Variants in NTN1 observed in about 807,000 individuals in gnomAD.
NTN1 encodes the protein netrin 1, also known as netrin-1.
Under a neutral mutation model 54.2 loss-of-function variants are expected in NTN1, and 11 were observed. That is an observed-to-expected ratio of 0.20 (90% CI 0.13 to 0.34). The LOEUF (loss-of-function observed/expected upper bound fraction) is 0.34, where lower values mean the gene tolerates loss of function less well. NTN1 is among the 10% of genes least tolerant of loss of function. NTN1 has a pLI of 1.00. For synonymous variants in NTN1, 371 were observed against 382.0 expected (o/e 0.97, Z 0.33); for missense variants, 740 against 893.1 (o/e 0.83, Z 2.18).
chr17:9,179,632 G>A (rs2092412123), intron 3 of NTN1, among the ~76,000 whole-genome samples, 175 bp from the exon 4 acceptor site: 1 of 152,176 alleles, frequency 6.6e-6, no homozygotes, highest in South Asian at 2.1e-4. Flanking sequence ...CCAGGTAGGT[G>A]GGTGGCCAGT....
chr17:9,100,347 G>T (rs907264088), intron 2 of NTN1, among the ~76,000 whole-genome samples: 3 of 152,096 alleles, frequency 2.0e-5, no homozygotes, highest in African/African-American at 7.2e-5. Flanking sequence ...GCCCAGGCTG[G>T]AGTGCAGTGG....
intron 6 of NTN1, among the ~76,000 whole-genome samples, chr17:9,228,348 C>CGG (rs994110717): frequency 6.6e-6 from 1 of 152,150 alleles, no homozygotes; most frequent in African/African-American, 2.4e-5. Context: ...AGAGTAAGAG[C>CGG]GGGGGCGTTC....
the NTN1 span, among the ~76,000 whole-genome samples, chr17:9,010,635 C>A: frequency 6.6e-6 from 1 of 152,192 alleles, no homozygotes; most frequent in Non-Finnish European, 1.5e-5. Flanking sequence ...TAGTTTCCTG[C>A]GGCTGCTGTA....
chr17:9,104,350 G>A (rs766742005), intron 2 of NTN1, among the ~76,000 whole-genome samples: 2 of 152,178 alleles, frequency 1.3e-5, no homozygotes, highest in Non-Finnish European at 2.9e-5. Context: ...AATGGTTAAG[G>A]TGGTAAATTT....
intron 2 of NTN1, 70 bp downstream of exon 2, chr17:9,023,461 G>C: frequency 7.5e-7 from 1 of 1,331,482 alleles, no homozygotes; most frequent in East Asian, 3.1e-5. Flanking sequence ...GCCTCGCAGC[G>C]GCGAGTTCAT....
chr17:9,082,267 G>C (rs190927234), intron 2 of NTN1, among the ~76,000 whole-genome samples: 2 of 152,130 alleles, frequency 1.3e-5, no homozygotes, highest in Non-Finnish European at 2.9e-5. Flanking sequence ...TGCCACGTTG[G>C]CTAGGCTGGT....
chr17:9,180,878 A>G (rs917734309), intron 4 of NTN1, among the ~76,000 whole-genome samples: 6 of 152,120 alleles, frequency 3.9e-5, no homozygotes, highest in East Asian at 3.9e-4. Flanking sequence ...ACAACCTCCA[A>G]TTGTCAGCCT....
At chr17:9,222,613 GGAA>G (rs1157126170) in intron 6 of NTN1, among the ~76,000 whole-genome samples, 3 of 152,168 alleles carry the variant, frequency 2.0e-5, no homozygotes, top group Admixed American at 2.0e-4. Context: ...AAACGGCGGT[GGAA>G]GAAGAGGGGT....
chr17:9,025,719 A>T (rs1445280908), intron 2 of NTN1, among the ~76,000 whole-genome samples: 1 of 152,220 alleles, frequency 6.6e-6, no homozygotes, highest in South Asian at 2.1e-4. Context: ...TCATTCTGTA[A>T]AAGAGAAAGA....
In NTN1 at chr17:9,162,878, C is replaced by T. The variant is rs749586755; in HGVS notation, c.1084C>T (p.Arg362Cys). The T allele has an allele frequency of 3.7e-6, 6 of 1,614,096 alleles. No homozygotes were observed. The highest frequency in any genetic ancestry group is 1.1e-5 in the South Asian group (1 of 91,086). ...FNMELYKLSG[R>C]KSGGVCLNCR... The stretch of plus-strand genomic sequence containing the variant: ...CATGGAGCTCTACAAGCTTTCGGGG[C>T]GCAAGAGCGGAGGTGTCTGCCTCAA... The change falls in exon 3 of 7, where the codon CGC becomes TGC. Residue 362 changes from arginine to cysteine, a missense_variant. Transcript: ENST00000173229.
chr17:9,227,593 TAC>T lies in NTN1; in HGVS notation c.1486+6358_1486+6359del, dbSNP rs576639850. On this transcript the variant is annotated intron_variant, in intron 6 of 6. Transcript: ENST00000173229. ...CACACACACATCACACACGCATGCATACACACACCATCACACATCAGATACAC... is the reference window on the plus strand; with the variant it reads ...CACACACACATCACACACGCATGCATACACACCATCACACATCAGATACAC... Among the ~76,000 whole-genome samples the T allele has an allele frequency of 1.2e-3, 111 of 94,178 alleles. No homozygotes were observed. In the South Asian group the frequency reaches 0.022, roughly 18 times the overall value. 61.8% of individuals were successfully genotyped at this position (94,178 alleles called of 152,430 possible). A position where few individuals can be genotyped will look rare whatever the true frequency, so the allele number is the denominator to read the frequency against.
chr17:9,113,559 G>A lies in NTN1; in HGVS notation c.1019-49254G>A, dbSNP rs148901253. 2.0e-3 allele frequency among the ~76,000 whole-genome samples: 299 copies of A among 152,174 alleles called. 2 individuals carry two copies. The highest frequency in any genetic ancestry group is 4.5e-3 in the African/African-American group (188 of 41,538). On this transcript the variant is annotated intron_variant, in intron 2 of 6. Transcript: ENST00000173229. ...TGAAAATGATTATACAGCAAGCTCC[G>A]GGAGAACATGTCAGGAGATTGGCAC...
chr17:9,157,971 A>G (rs1210543518), intron 2 of NTN1, among the ~76,000 whole-genome samples: 1 of 152,240 alleles, frequency 6.6e-6, no homozygotes, highest in Non-Finnish European at 1.5e-5. Flanking sequence ...GGCTAGGGAC[A>G]GGCCGGGAGT....
At chr17:9,190,256 CAG>C (rs1904416724) in intron 5 of NTN1, among the ~76,000 whole-genome samples, 1 of 152,056 alleles carries the variant, frequency 6.6e-6, no homozygotes, top group Admixed American at 6.5e-5. Context: ...ACATGAAGAA[CAG>C]AAGAAAAGGA....
intron 1 of NTN1, among the ~76,000 whole-genome samples, chr17:9,022,082 G>A (rs1467836473): frequency 6.6e-6 from 1 of 151,966 alleles, no homozygotes; most frequent in Non-Finnish European, 1.5e-5. Context: ...GGCGGTGGCG[G>A]GGAAGCAGAG....
chr17:9,176,597 A>G (rs1162572606), intron 3 of NTN1: 5 of 152,208 alleles, frequency 3.3e-5, no homozygotes, highest in African/African-American at 1.2e-4. Flanking sequence ...TGCACAGGGT[A>G]TAATGGGGGC....
chr17:9,157,999 T>TGGA (rs1405164185), intron 2 of NTN1, among the ~76,000 whole-genome samples: 11 of 152,354 alleles, frequency 7.2e-5, no homozygotes, highest in African/African-American at 2.6e-4. Context: ...CGCCTCTGTG[T>TGGA]GGAGCCGAGG....
chr17:9,064,200 A>C (rs1217328922), intron 2 of NTN1, among the ~76,000 whole-genome samples: 1 of 152,152 alleles, frequency 6.6e-6, no homozygotes, highest in African/African-American at 2.4e-5. Context: ...CCATTCATTC[A>C]TCGGTCCATG....
In NTN1 at chr17:9,135,843, T is replaced by C. The variant is rs917161540; in HGVS notation, c.1019-26970T>C. 3.3e-5 allele frequency among the ~76,000 whole-genome samples: 5 copies of C among 152,182 alleles called. No individual in the cohort carries two copies. The highest frequency in any genetic ancestry group is 2.0e-4 in the Admixed American group (3 of 15,280). ...CAGGGTTCTAGCCCTGAGTCCACCA[T>C]TCACTCCCTGAGCTCCTCTTCACAC... On this transcript the variant is annotated intron_variant, in intron 2 of 6. Coordinates refer to ENST00000173229, the MANE Select transcript of NTN1 (RefSeq NM_004822.3). The surrounding 1 kb of genome is among the most constrained non-coding windows in gnomAD (Gnocchi z 4.4).
Sources: allele counts gnomAD v4.1 joint callset (sites outside exome capture counted in the v4.1 genomes callset), GRCh38; gene constraint gnomAD v4.1.1; non-coding constraint Gnocchi (gnomAD v3.1); transcripts MANE v1.5; gene names NCBI Gene and HGNC (gene_info 2026-07-23, HGNC 2026-07-21).